The following RIMS1 variants were observed in gnomAD, a reference collection of about 807,000 sequenced individuals.
The protein encoded by RIMS1 is regulating synaptic membrane exocytosis protein 1.
A neutral mutation model predicts 214.1 loss-of-function variants in RIMS1; 83 were observed. The observed-to-expected ratio is 0.39, with a 90% CI of 0.32 to 0.47. The LOEUF (loss-of-function observed/expected upper bound fraction) is 0.47. Ranked by LOEUF, RIMS1 falls within the 20% of genes least tolerant of loss-of-function variation. The probability of loss-of-function intolerance (pLI) is 0.99; values close to 1 mark genes in which losing one functional copy is unlikely to be tolerated. For synonymous variants in RIMS1, 793 were observed against 786.8 expected (o/e 1.01, Z -0.13); for missense variants, 2,050 against 2,161.8 (o/e 0.95, Z 1.03).
At chr6:71,992,966 CTT>C (rs912281173) in intron 2 of RIMS1, among the ~76,000 whole-genome samples, 7 of 152,090 alleles carry the variant, frequency 4.6e-5, no homozygotes, top group Non-Finnish European at 1.0e-4. Flanking sequence ...TGGCCTTTGT[CTT>C]TTTTAATTTT....
intron 17 of RIMS1, among the ~76,000 whole-genome samples, chr6:72,258,499 C>T (rs1323958997): frequency 1.3e-5 from 2 of 151,952 alleles, no homozygotes; most frequent in Non-Finnish European, 2.9e-5. Context: ...TTGTTTATGT[C>T]CCAGGAATAG....
At chr6:71,927,432 T>TA (rs935684463) in intron 1 of RIMS1, among the ~76,000 whole-genome samples, 1 of 151,838 alleles carries the variant, frequency 6.6e-6, no homozygotes, top group African/African-American at 2.4e-5. Context: ...CTGTGATGAA[T>TA]AAAAAAAAGT....
At chr6:72,340,245 T>C (rs1338503541) in intron 29 of RIMS1, among the ~76,000 whole-genome samples, 2 of 152,110 alleles carry the variant, frequency 1.3e-5, no homozygotes, top group African/African-American at 4.8e-5. Context: ...GCCTGTTCAC[T>C]CTGATGGTAG....
chr6:72,121,827 A>G (rs1167495309), intron 4 of RIMS1, among the ~76,000 whole-genome samples: 1 of 151,848 alleles, frequency 6.6e-6, no homozygotes, highest in Non-Finnish European at 1.5e-5. Flanking sequence ...GATATGTCCT[A>G]TCAATACCTA....
Position 72,182,395 on chromosome 6 carries a change from G to T in RIMS1, c.924G>T (p.Arg308=), listed in dbSNP as rs571137744. ...AQPVEGAVEE[R]ERKERRESRR... ...CCGTGGAGGGGGCCGTCGAAGAACG[G>T]GAGCGCAAAGAAAGGCGGGAAAGCC... Residue 308 remains arginine, a synonymous_variant, in exon 6 of 34, where the codon CGG becomes CGT. Coordinates refer to ENST00000521978, the MANE Select transcript of RIMS1 (RefSeq NM_014989.7). 1 of 1,613,934 alleles carries T rather than the reference G, an allele frequency of 6.2e-7. No homozygotes were observed. The highest frequency in any genetic ancestry group is 2.2e-5 in the East Asian group (1 of 44,880).
At chr6:72,390,833 C>T (rs894534500) in intron 30 of RIMS1, 97 bp downstream of exon 30, 15 of 1,421,616 alleles carry the variant, frequency 1.1e-5, no homozygotes, top group Non-Finnish European at 1.9e-6. Flanking sequence ...TGCAGCTTCT[C>T]TATTTAATCA....
rs1482106074 is a variant in RIMS1, at chr6:72,156,819, C to G, written c.472-22756C>G. The stretch of plus-strand genomic sequence containing the variant: ...ATGCAAATGGATTAATGTGAAAATG[C>G]TTACAAGTGCGAAAGCATTTATCCA... On this transcript the variant is annotated intron_variant, in intron 4 of 33. Transcript: ENST00000521978. 2.1e-5 allele frequency among the ~76,000 whole-genome samples: 3 copies of G among 140,570 alleles called. 1 individual carries two copies. The highest frequency in any genetic ancestry group is 4.9e-5 in the Non-Finnish European group (3 of 61,840). The allele number at this position is 140,570 out of a possible 152,430, so 92.2% of individuals were successfully genotyped here.
intron 4 of RIMS1, among the ~76,000 whole-genome samples, chr6:72,123,071 C>G (rs2038752587): frequency 6.6e-6 from 1 of 151,678 alleles, no homozygotes; most frequent in Non-Finnish European, 1.5e-5. Flanking sequence ...GTTAGGGTGT[C>G]AATTGTAGAT....
Position 72,179,395 on chromosome 6 carries a change from C to T in RIMS1, c.472-180C>T, listed in dbSNP as rs189626884. On this transcript the variant is annotated intron_variant, in intron 4 of 33. Transcript: ENST00000521978. ...AGAGGCTCTCTAGTCTCAGACAAGT[C>T]CCTGTCTAGGCATTCATATATTTGA... The T allele has an allele frequency of 4.5e-6, 3 of 659,994 alleles. No homozygotes were observed. The East Asian group carries it at 8.5e-5, about 19-fold the overall frequency. 40.9% of individuals were successfully genotyped at this position (659,994 alleles called of 1,614,324 possible).
At chr6:71,956,059 A>G (rs542329856) in intron 1 of RIMS1, among the ~76,000 whole-genome samples, 3 of 152,110 alleles carry the variant, frequency 2.0e-5, no homozygotes, top group Non-Finnish European at 2.9e-5. Context: ...AAATTTCTCT[A>G]TAGGTAAAAG....
intron 2 of RIMS1, among the ~76,000 whole-genome samples, chr6:72,070,515 G>A (rs1335719848): frequency 6.6e-6 from 1 of 152,078 alleles, no homozygotes; most frequent in Non-Finnish European, 1.5e-5. Flanking sequence ...TCAGTACTTA[G>A]TCATAAAAAC....
chr6:71,968,843 G>A, intron 1 of RIMS1, 140 bp from the exon 2 acceptor site: 1 of 730,284 alleles, frequency 1.4e-6, no homozygotes, highest in East Asian at 2.7e-5. Flanking sequence ...CAAGGGCTTT[G>A]CTGGGGCCCC....
intron 4 of RIMS1, among the ~76,000 whole-genome samples, chr6:72,150,556 C>G (rs1248215745): frequency 1.3e-5 from 2 of 152,148 alleles, no homozygotes; most frequent in Non-Finnish European, 2.9e-5. Flanking sequence ...ATATTTGACT[C>G]CATTGTCCTC....
intron 6 of RIMS1, among the ~76,000 whole-genome samples, chr6:72,211,947 A>G (rs76078839): frequency 0.011 from 1,704 of 152,168 alleles, 10 homozygotes; most frequent in Non-Finnish European, 0.017. Flanking sequence ...GTTTCTCTAC[A>G]TGGTTGATTC....
At chr6:72,377,250 C>T (rs918102703) in intron 29 of RIMS1, among the ~76,000 whole-genome samples, 3 of 152,116 alleles carry the variant, frequency 2.0e-5, no homozygotes, top group Admixed American at 6.5e-5. Flanking sequence ...TCCTTGCGCA[C>T]GTGTTCAAGC....
At chr6:72,099,786 A>G (rs1009566624) in intron 3 of RIMS1, among the ~76,000 whole-genome samples, 189 bp from the exon 4 acceptor site, 2 of 152,136 alleles carry the variant, frequency 1.3e-5, no homozygotes, top group Admixed American at 6.5e-5. Flanking sequence ...TGCATTTTCA[A>G]TGAAGGATTG....
chr6:71,991,177 T>C (rs1406392207), intron 2 of RIMS1, among the ~76,000 whole-genome samples: 1 of 152,204 alleles, frequency 6.6e-6, no homozygotes, highest in Non-Finnish European at 1.5e-5. Context: ...TAGTAACCAC[T>C]TTATTTTTAT....
intron 4 of RIMS1, among the ~76,000 whole-genome samples, chr6:72,140,249 A>T (rs1263773894): frequency 6.6e-6 from 1 of 152,108 alleles, no homozygotes; most frequent in Non-Finnish European, 1.5e-5. Flanking sequence ...TAATGCTTTT[A>T]AATGTATAAT....
intron 6 of RIMS1, among the ~76,000 whole-genome samples, chr6:72,232,925 C>T (rs923131188): frequency 6.6e-6 from 1 of 151,758 alleles, no homozygotes; most frequent in Non-Finnish European, 1.5e-5. Context: ...GCATGCTTTA[C>T]TCACTTTATG....
Sources: gnomAD v4.1 joint callset for allele counts (sites outside exome capture counted in the v4.1 genomes callset) on GRCh38, gnomAD v4.1.1 for gene constraint, MANE v1.5 for transcripts, NCBI Gene and HGNC (gene_info 2026-07-23, HGNC 2026-07-21) for gene names.